The following CCDC33 variants were observed in gnomAD, a reference collection of about 807,000 sequenced individuals.
CCDC33 encodes coiled-coil domain-containing protein 33.
A neutral mutation model predicts 91.9 loss-of-function variants in CCDC33; 94 were observed. The ratio of observed to expected loss-of-function variants is 1.02; its 90% CI spans 0.87 to 1.21. The LOEUF is 1.21. Among genes scored for constraint, CCDC33 ranks in the 50% most tolerant of loss-of-function variants. The pLI is 0.00. For synonymous variants in CCDC33, 396 were observed against 374.5 expected, an observed-to-expected ratio of 1.06 and a Z score of -0.66; for missense variants, 940 against 935.5, an observed-to-expected ratio of 1.00 and a Z score of -0.06.
At chr15:74,250,762 G>A (rs907635062) in intron 2 of CCDC33, among the ~76,000 whole-genome samples, 5 of 152,158 alleles carry the variant, frequency 3.3e-5, no homozygotes, top group Admixed American at 6.5e-5. Context: ...CTAAATAATC[G>A]TCGAATGAAT....
At position 74,205,396 on chromosome 15, in the gene CCDC33, A is replaced by AG. The variant is rs1379255443; in HGVS notation, n.89+2304dup. 2.6e-5 allele frequency among the ~76,000 whole-genome samples: 4 copies of AG among 152,160 alleles called. No homozygotes were observed. In the East Asian group the frequency reaches 7.7e-4, roughly 29 times the overall value. On this transcript the variant is annotated intron_variant and non_coding_transcript_variant, in intron 1 of 3. Coordinates refer to the CCDC33 transcript ENST00000558645. ...AACCCACAATCGTGATGGAAGGTGA[A>AG]GGGGGGTCAGGCAGGACACTTGGCA... is the stretch of plus-strand genomic sequence containing the variant.
chr15:74,292,153 G>A (rs193046172), intron 10 of CCDC33, among the ~76,000 whole-genome samples: 1 of 152,366 alleles, frequency 6.6e-6, no homozygotes, highest in African/African-American at 2.4e-5. Context: ...AAATAAGTAG[G>A]CTTGTGGGGT....
At chr15:74,234,665 T>C (rs1456263047), upstream of CCDC33, among the ~76,000 whole-genome samples, 1 of 152,070 alleles carries the variant, frequency 6.6e-6, no homozygotes, top group Non-Finnish European at 1.5e-5. Context: ...CCAATCGCAT[T>C]ATCTTCCCAG....
intron 10 of CCDC33, 71 bp from the exon 11 acceptor site, chr15:74,295,683 T>C (rs1484212): frequency 0.67 from 892,524 of 1,325,818 alleles, 305,628 homozygotes; most frequent in Non-Finnish European, 0.71. Context: ...GGGGTGTAGA[T>C]GGTGTGCTTA....
intron 5 of CCDC33, among the ~76,000 whole-genome samples, chr15:74,269,099 A>C (rs959209440): frequency 4.6e-5 from 7 of 151,828 alleles, no homozygotes; most frequent in Non-Finnish European, 8.8e-5. Context: ...CCCTAGGCCA[A>C]TTAGCAGCTT....
intron 11 of CCDC33, chr15:74,318,459 A>C: frequency 4.8e-4 from 194 of 402,950 alleles, no homozygotes; most frequent in Middle Eastern, 1.2e-3. Context: ...CCCACCCTGG[A>C]ACAAAGGGGA....
Position 74,218,809 on chromosome 15 carries a change from G to C in CCDC33, c.623G>C (p.Gly208Ala). 1 of 1,282,038 alleles carries C rather than the reference G, an allele frequency of 7.8e-7. No homozygotes were observed. The allele number at this position is 1,282,038 out of a possible 1,614,324, so 79.4% of individuals were successfully genotyped here. The change falls in exon 2 of 3, where the codon GGC (glycine) becomes GCC (alanine). Residue 208 changes from glycine to alanine, a missense_variant. By Grantham distance (60) the Gly-to-Ala change is moderately conservative. Coordinates refer to the CCDC33 transcript ENST00000635913. This position sits in a 1 kb window ranked among gnomAD's most constrained non-coding sequence, Gnocchi z 4.8. ...GTCTCAGACAGCCCTCCCAGGGCTG[G>C]CCAGCCAGAACTGATGTCACCATGC...
chr15:74,218,577 G>A lies in CCDC33; in HGVS notation c.391G>A (p.Ala131Thr), dbSNP rs867630946. The change falls in exon 2 of 3, where the codon GCC (alanine) becomes ACC (threonine). Residue 131 changes from alanine (A) to threonine (T), a missense_variant. Physicochemically the swap from Ala to Thr is moderately conservative, Grantham distance 58. Coordinates refer to the CCDC33 transcript ENST00000635913. The surrounding 1 kb of genome is among the most constrained non-coding windows in gnomAD (Gnocchi z 4.8). ...GCTGGACGAACCCTTGGGACGGGCA[G>A]CCCAGCGGGTGGGTGAGGCCATCTT... 7.8e-7 allele frequency: 1 copy of A among 1,289,820 alleles called. No individual in the cohort carries two copies. Among genetic ancestry groups the A allele is most frequent in the Non-Finnish European group, 1.0e-6 (1 of 988,856 alleles). 79.9% of individuals were successfully genotyped at this position (1,289,820 alleles called of 1,614,324 possible).
chr15:74,284,559 T>A lies in CCDC33; in HGVS notation c.1095+2710T>A, dbSNP rs559312821. 3.9e-5 allele frequency among the ~76,000 whole-genome samples: 6 copies of A among 152,246 alleles called. No individual in the cohort carries two copies. The South Asian group carries it at 1.2e-3, about 32-fold the overall frequency. On this transcript the variant is annotated intron_variant, in intron 10 of 18. Coordinates refer to ENST00000398814, the MANE Select transcript of CCDC33 (RefSeq NM_025055.5). ...CACATGAGCAATTGCTGTTCTGGAT[T>A]TTAGGAATATTACACTGAAGAAGAA...
At chr15:74,330,125 T>TCTCGGTGGTCGCC in intron 11 of CCDC33, 64 bp from the exon 12 acceptor site, 1 of 1,507,026 alleles carries the variant, frequency 6.6e-7, no homozygotes, top group South Asian at 1.4e-5. Context: ...CAAGTGTAGA[T>TCTCGGTGGTCGCC]GTGGATGTGG....
At chr15:74,291,635 C>G (rs1362390457) in intron 10 of CCDC33, among the ~76,000 whole-genome samples, 2 of 152,230 alleles carry the variant, frequency 1.3e-5, no homozygotes, top group Admixed American at 6.5e-5. Flanking sequence ...GCAGGCAGGC[C>G]GGAAGGCGGG....
Position 74,218,328 on chromosome 15 carries a change from G to A in CCDC33, c.311-169G>A, listed in dbSNP as rs2074501071. On this transcript the variant is annotated intron_variant, in intron 1 of 2. Coordinates refer to the CCDC33 transcript ENST00000635913. The surrounding 1 kb of genome is among the most constrained non-coding windows in gnomAD (Gnocchi z 4.8). ...TCAGCAAAGGGAGGGAGCCATGGGT[G>A]GGGCCTAGGAGGGAGTCGCCTACCA... Among the ~76,000 whole-genome samples the A allele has an allele frequency of 6.6e-6, 1 of 152,154 alleles. No homozygotes were observed. The highest frequency in any genetic ancestry group is 6.5e-5 in the Admixed American group (1 of 15,292).
intron 10 of CCDC33, among the ~76,000 whole-genome samples, chr15:74,295,451 G>A (rs546986775): frequency 6.6e-5 from 10 of 151,796 alleles, no homozygotes; most frequent in South Asian, 4.2e-4. Flanking sequence ...TCACATCTGG[G>A]CTGAGACTTG....
chr15:74,218,671 G>C lies in CCDC33; in HGVS notation c.485G>C (p.Arg162Pro), dbSNP rs753469287. ...GCTCAGGATCACGAGGACCTGTACC[G>C]CTACTGTGGCAACCTGGCTCTGCTC... The change falls in exon 2 of 3, where the codon CGC becomes CCC. Residue 162 changes from arginine to proline, a missense_variant. Transcript: ENST00000635913. This position sits in a 1 kb window ranked among gnomAD's most constrained non-coding sequence, Gnocchi z 4.8. The C allele has an allele frequency of 3.9e-6, 5 of 1,289,832 alleles. No homozygotes were observed. In the South Asian group the frequency reaches 6.2e-5, roughly 16 times the overall value. The allele number at this position is 1,289,832 out of a possible 1,614,324, so 79.9% of individuals were successfully genotyped here.
rs375705007 is a variant in CCDC33, at chr15:74,271,137, C to T, written c.547-566C>T. ...GGAGCAGGCACCAGGGTGATGGGCA[C>T]GAGGGAGGCAAGGGGAGCCTGGCTG... On this transcript the variant is annotated intron_variant, in intron 5 of 18. Transcript: ENST00000398814. 7.9e-5 allele frequency among the ~76,000 whole-genome samples: 12 copies of T among 152,038 alleles called. No homozygotes were observed. The East Asian group carries it at 1.7e-3, about 22-fold the overall frequency.
chr15:74,319,597 ACT>A (rs2060164834), intron 11 of CCDC33: 1 of 152,404 alleles, frequency 6.6e-6, no homozygotes, highest in Non-Finnish European at 1.5e-5. Context: ...AGGAGTCATG[ACT>A]GATGGCCTGT....
In CCDC33 at chr15:74,316,441, C is replaced by T. The variant is rs1048660024; in HGVS notation, c.1291-13748C>T. Among the ~76,000 whole-genome samples the T allele has an allele frequency of 1.5e-4, 23 of 152,202 alleles. No homozygotes were observed. Among genetic ancestry groups the T allele is most frequent in the African/African-American group, 5.5e-4 (23 of 41,452 alleles). On this transcript the variant is annotated intron_variant, in intron 11 of 18. Coordinates refer to ENST00000398814, the MANE Select transcript of CCDC33 (RefSeq NM_025055.5). The surrounding 1 kb of genome is among the most constrained non-coding windows in gnomAD (Gnocchi z 4.7). ...GGCTTTTGATGAAAAATTCATGGCA[C>T]GCCCGAGGATGGGAGCAGACTCAAT...
chr15:74,330,489 A>G, intron 12 of CCDC33, 135 bp downstream of exon 12: 1 of 1,138,602 alleles, frequency 8.8e-7, no homozygotes, highest in Non-Finnish European at 1.2e-6. Context: ...CCCCTCGCCC[A>G]CAGACACTCA....
intron 10 of CCDC33, among the ~76,000 whole-genome samples, chr15:74,289,939 G>T (rs2059554334): frequency 6.6e-6 from 1 of 152,206 alleles, no homozygotes; most frequent in South Asian, 2.1e-4. Flanking sequence ...CCCTTGCTCT[G>T]CTCTCCCTGT....
Sources: gnomAD v4.1 joint callset for allele counts (sites outside exome capture counted in the v4.1 genomes callset) on GRCh38, gnomAD v4.1.1 for gene constraint, Gnocchi (gnomAD v3.1) non-coding constraint, MANE v1.5 for transcripts, NCBI Gene and HGNC (gene_info 2026-07-23, HGNC 2026-07-21) for gene names.